SPEG: variants seen among roughly 807,000 people sequenced by gnomAD.
The protein encoded by SPEG is striated muscle preferentially expressed protein kinase.
SPEG carries 114 observed loss-of-function variants against 300.4 expected under a neutral mutation model. That is an observed-to-expected ratio of 0.38 (90% CI 0.33 to 0.44). The LOEUF is 0.44. Ranked by LOEUF, SPEG falls within the 20% of genes least tolerant of loss-of-function variation. SPEG has a pLI of 1.00. For synonymous variants in SPEG, 1,964 were observed against 2,018.9 expected (o/e 0.97, Z 0.73); for missense variants, 4,201 against 4,586.2 (o/e 0.92, Z 2.43).
In SPEG at chr2:219,484,355, G is replaced by A; in HGVS notation, c.6892G>A (p.Gly2298Arg). Residue 2298 changes from glycine to arginine, a missense_variant, in exon 30 of 41, where the codon GGG (glycine) becomes AGG (arginine). Physicochemically the swap from Gly to Arg is moderately radical, Grantham distance 125. Transcript: ENST00000312358. ...CCCCGAGAAGCGCGTGCCCTCAGCC[G>A]GGGGTCCCCCGGTGCTAGCCGAGAA... ...GAPEKRVPSA[G>R]GPPVLAEKAR... is the part of the protein sequence containing the mutation. The A allele has an allele frequency of 6.2e-7, 1 of 1,605,766 alleles. No individual in the cohort carries two copies. The highest frequency in any genetic ancestry group is 8.5e-7 in the Non-Finnish European group (1 of 1,178,926).
Position 219,464,458 on chromosome 2 carries a change from C to G in SPEG, c.2731C>G (p.Pro911Ala). Residue 911 changes from proline to alanine, a missense_variant, in exon 9 of 41, where the codon CCA (proline) becomes GCA (alanine). Physicochemically the swap from Pro to Ala is conservative, Grantham distance 27. Transcript: ENST00000312358. This position sits in a 1 kb window ranked among gnomAD's most constrained non-coding sequence, Gnocchi z 4.5. ...GCTGAGAAACCGCCAGCCCGTGCGC[C>G]CAGACCAGCGGCGCTTTGCGGAGGA... ...SWLRNRQPVR[P>A]DQRRFAEEAE... 1 of 1,612,658 alleles carries G rather than the reference C, an allele frequency of 6.2e-7. No homozygotes were observed. The highest frequency in any genetic ancestry group is 8.5e-7 in the Non-Finnish European group (1 of 1,179,926).
chr2:219,448,087 C>A lies in SPEG; in HGVS notation c.929C>A (p.Pro310His). ...CCTCCTTCCAAATCCGCGCTGCTCC[C>A]CCCACCGTCCCCTCGGGTCGGGAAG... ...QPPPSKSALL[P>H]PPSPRVGKRS... Residue 310 changes from proline (P) to histidine (H), a missense_variant, in exon 4 of 41, where the codon CCC (proline) becomes CAC (histidine). Pro to His is a moderately conservative substitution (Grantham distance 77). Coordinates refer to ENST00000312358, the MANE Select transcript of SPEG (RefSeq NM_005876.5). 1 of 1,606,220 alleles carries A rather than the reference C, an allele frequency of 6.2e-7. No homozygotes were observed. The highest frequency in any genetic ancestry group is 2.2e-5 in the East Asian group (1 of 44,482).
rs1250898337 is a variant in SPEG at position 219,473,143 on chromosome 2, G to A, written c.4147+47G>A. 1 of 1,550,884 alleles carries A rather than the reference G, an allele frequency of 6.4e-7. No individual in the cohort carries two copies. Among genetic ancestry groups the A allele is most frequent in the South Asian group, 1.2e-5 (1 of 86,844 alleles). ...GGGTGGGGGTGGGAGCTGCTGGGATGGGGAATGGGGGCCCTGTGGTGGAGG... is the reference window on the plus strand; with the variant it reads ...GGGTGGGGGTGGGAGCTGCTGGGATAGGGAATGGGGGCCCTGTGGTGGAGG... On this transcript the variant is annotated intron_variant, in intron 16 of 40. Coordinates refer to ENST00000312358, the MANE Select transcript of SPEG (RefSeq NM_005876.5). This position sits in a 1 kb window ranked among gnomAD's most constrained non-coding sequence, Gnocchi z 4.6.
intron 39 of SPEG, 33 bp downstream of exon 39, chr2:219,491,902 T>C (rs769353703): frequency 1.9e-6 from 3 of 1,553,682 alleles, no homozygotes; most frequent in Non-Finnish European, 2.6e-6. Flanking sequence ...CAGCCCTCTC[T>C]GCCCATACAG....
At position 219,439,661 on chromosome 2, in the gene SPEG, G is replaced by C. The variant is rs529123564; in HGVS notation, c.388+4296G>C. 2.0e-5 allele frequency among the ~76,000 whole-genome samples: 3 copies of C among 152,160 alleles called. No individual in the cohort carries two copies. The South Asian group carries it at 6.2e-4, about 32-fold the overall frequency. ...AAATGGGGCAATCTGGGGCCAGCTG[G>C]GGAGGCCCACCCAGAGAGCATGTTC... On this transcript the variant is annotated intron_variant, in intron 1 of 40. Coordinates refer to ENST00000312358, the MANE Select transcript of SPEG (RefSeq NM_005876.5). This position sits in a 1 kb window ranked among gnomAD's most constrained non-coding sequence, Gnocchi z 4.5.
rs372312652 is a variant in SPEG at position 219,488,276 on chromosome 2, G to T, written c.7824G>T (p.Ala2608=). ...CAGCCACCCTGCTCTGCCTGCCAGC[G>T]GCCTGCCCTGCACCGCACATCTCCT... ...GEAATLLCLP[A]ACPAPHISWM... is the part of the protein sequence containing the mutation. Residue 2608 remains alanine, a synonymous_variant, in exon 32 of 41, where the codon GCG becomes GCT. Transcript: ENST00000312358. 2.5e-6 allele frequency: 4 copies of T among 1,613,152 alleles called. No individual in the cohort carries two copies. The highest frequency in any genetic ancestry group is 1.7e-6 in the Non-Finnish European group (2 of 1,179,740).
rs1693694700 is a variant in SPEG at position 219,488,867 on chromosome 2, C to T, written c.8116C>T (p.Pro2706Ser). The T allele has an allele frequency of 1.3e-6, 2 of 1,587,454 alleles. No homozygotes were observed. Among genetic ancestry groups the T allele is most frequent in the Non-Finnish European group, 1.7e-6 (2 of 1,165,950 alleles). Residue 2706 changes from proline to serine, a missense_variant, in exon 34 of 41, where the codon CCT (proline) becomes TCT (serine). By Grantham distance (74) the Pro-to-Ser change is moderately conservative. This residue lies in a region of SPEG where 1,578 missense variants were observed against 1,506.0 expected (regional missense o/e 1.05). Coordinates refer to ENST00000312358, the MANE Select transcript of SPEG (RefSeq NM_005876.5). ...GTGGAAGCCGGGAGACAGCCGGGCA[C>T]CTTGCACGTATACGCTGGAGCGGCG... ...VLWKPGDSRA[P>S]CTYTLERRVD...
intron 4 of SPEG, among the ~76,000 whole-genome samples, chr2:219,450,020 C>T (rs1318712354): frequency 6.6e-6 from 1 of 152,220 alleles, no homozygotes; most frequent in African/African-American, 2.4e-5. Flanking sequence ...TGACCCACTT[C>T]CACTGCTCCT....
At position 219,480,228 on chromosome 2, in the gene SPEG, G is replaced by C; in HGVS notation, c.5342+88G>C. 3 of 1,407,412 alleles carry C rather than the reference G, an allele frequency of 2.1e-6. No individual in the cohort carries two copies. The highest frequency in any genetic ancestry group is 2.9e-6 in the Non-Finnish European group (3 of 1,017,286). The allele number at this position is 1,407,412 out of a possible 1,614,324, so 87.2% of individuals were successfully genotyped here. On this transcript the variant is annotated intron_variant, in intron 25 of 40. Transcript: ENST00000312358. The surrounding 1 kb of genome is among the most constrained non-coding windows in gnomAD (Gnocchi z 5.3). ...GCGCTCACTGGCAGGGAGATTTACC[G>C]AGCCTGAATTCCTCCTGAAGGTGGG...
Position 219,464,696 on chromosome 2 carries a change from G to C in SPEG, c.2881+88G>C, listed in dbSNP as rs907351303. ...TGCTCTCACACAGCCTCAGTTAGAG[G>C]ATGCCACCACTGAAAGGGCCTTAAG... is the stretch of plus-strand genomic sequence containing the variant. On this transcript the variant is annotated intron_variant, in intron 9 of 40. Transcript: ENST00000312358. This position sits in a 1 kb window ranked among gnomAD's most constrained non-coding sequence, Gnocchi z 4.5. 1.5e-5 allele frequency: 21 copies of C among 1,388,418 alleles called. No homozygotes were observed. The Admixed American group carries it at 3.9e-4, about 26-fold the overall frequency. 86.0% of individuals were successfully genotyped at this position (1,388,418 alleles called of 1,614,324 possible).
rs533696708 is a variant in SPEG at position 219,451,737 on chromosome 2, G to A, written c.2370G>A (p.Gly790=). 7 of 1,560,826 alleles carry A rather than the reference G, an allele frequency of 4.5e-6. No homozygotes were observed. In the African/African-American group the frequency reaches 9.5e-5, roughly 21 times the overall value. ...LLREARAADA[G]SYMATATNEL... Reference sequence around the variant, plus strand: ...GGGAGGCCAGGGCAGCAGATGCCGGGAGCTATATGGCCACCGCCACCAACG... The same window carrying A: ...GGGAGGCCAGGGCAGCAGATGCCGGAAGCTATATGGCCACCGCCACCAACG... The change falls in exon 6 of 41, where the codon GGG becomes GGA. Residue 790 remains glycine, a synonymous_variant. Coordinates refer to ENST00000312358, the MANE Select transcript of SPEG (RefSeq NM_005876.5). This position sits in a 1 kb window ranked among gnomAD's most constrained non-coding sequence, Gnocchi z 6.4.
intron 1 of SPEG, among the ~76,000 whole-genome samples, chr2:219,438,667 G>A (rs1954780722): frequency 6.6e-6 from 1 of 152,244 alleles, no homozygotes; most frequent in African/African-American, 2.4e-5. Context: ...GGGCAGAGGG[G>A]AAGCAGGAGA....
chr2:219,454,173 C>T (rs1003717765), intron 6 of SPEG, among the ~76,000 whole-genome samples: 10 of 152,204 alleles, frequency 6.6e-5, no homozygotes, highest in Non-Finnish European at 1.3e-4. Flanking sequence ...TGAGGACCCA[C>T]AGATCTCAAT....
chr2:219,449,227 G>A lies in SPEG; in HGVS notation c.2069G>A (p.Ser690Asn). The A allele has an allele frequency of 7.2e-7, 1 of 1,393,652 alleles. No individual in the cohort carries two copies. The highest frequency in any genetic ancestry group is 1.5e-5 in the African/African-American group (1 of 65,314). The allele number at this position is 1,393,652 out of a possible 1,614,324, so 86.3% of individuals were successfully genotyped here. Residue 690 changes from serine (S) to asparagine (N), a missense_variant, in exon 4 of 41, where the codon AGC becomes AAC. Physicochemically the swap from Ser to Asn is conservative, Grantham distance 46 (BLOSUM62 1). Coordinates refer to ENST00000312358, the MANE Select transcript of SPEG (RefSeq NM_005876.5). Reference protein sequence around the residue: ...WGPWDRRGARSQGKGRRARPT... With the variant: ...WGPWDRRGARNQGKGRRARPT... The stretch of plus-strand genomic sequence containing the variant: ...CCCTGGGACCGCCGAGGGGCCCGCA[G>A]CCAGGGCAAAGGTCGCCGGGCCCGG...
chr2:219,474,692 A>G (rs1252497760), intron 18 of SPEG, among the ~76,000 whole-genome samples: 3 of 152,134 alleles, frequency 2.0e-5, no homozygotes, highest in Non-Finnish European at 2.9e-5. Flanking sequence ...AAAGAAACCC[A>G]TGGGCACATC....
At chr2:219,472,019 G>A (rs771982950) in intron 14 of SPEG, 32 bp downstream of exon 14, 13 of 1,605,750 alleles carry the variant, frequency 8.1e-6, no homozygotes, top group East Asian at 2.2e-5. Flanking sequence ...TCAGCTGCAC[G>A]CACAGCCTGG....
chr2:219,441,834 C>CT (rs1688934617), intron 1 of SPEG, among the ~76,000 whole-genome samples: 1 of 151,512 alleles, frequency 6.6e-6, no homozygotes, highest in Admixed American at 6.5e-5. Context: ...GGGGTGCAGG[C>CT]TGGCGAGGGA....
chr2:219,474,054 A>T, intron 18 of SPEG, 151 bp downstream of exon 18: 1 of 710,144 alleles, frequency 1.4e-6, no homozygotes, highest in African/African-American at 1.8e-5. Context: ...TACAAATACC[A>T]TATTAGTAAT....
In SPEG at chr2:219,445,122, C is replaced by T; in HGVS notation, c.776C>T (p.Ala259Val). ...GTGGCCAGTGACCTGTACGGCAGCG[C>T]ATTCAGCCTGTACAGAGGACGGGCG... The part of the protein sequence containing the change: ...LSVASDLYGS[A>V]FSLYRGRALS... The change falls in exon 3 of 41, where the codon GCA becomes GTA. Residue 259 changes from alanine to valine, a missense_variant. Ala to Val is a moderately conservative substitution (Grantham distance 64). Transcript: ENST00000312358. The surrounding 1 kb of genome is among the most constrained non-coding windows in gnomAD (Gnocchi z 6.1). 6.3e-7 allele frequency: 1 copy of T among 1,592,104 alleles called. No homozygotes were observed. Among genetic ancestry groups the T allele is most frequent in the Non-Finnish European group, 8.5e-7 (1 of 1,170,008 alleles).
Sources: allele counts gnomAD v4.1 joint callset (sites outside exome capture counted in the v4.1 genomes callset), GRCh38; gene constraint gnomAD v4.1.1; regional missense constraint gnomAD v4.1.1; non-coding constraint Gnocchi (gnomAD v3.1); transcripts MANE v1.5; gene names NCBI Gene and HGNC (gene_info 2026-07-23, HGNC 2026-07-21).